The following AGL variants were observed in gnomAD, a reference collection of about 807,000 sequenced individuals.
AGL encodes amylo-alpha-1,6-glucosidase and 4-alpha-glucanotransferase.
A neutral mutation model predicts 199.3 loss-of-function variants in AGL; 128 were observed. The ratio of observed to expected loss-of-function variants is 0.64; its 90% confidence interval spans 0.56 to 0.74. The LOEUF is 0.74. AGL is among the 30% of genes least tolerant of loss of function. AGL has a pLI of 0.00. For missense variants in AGL, 1,809 were observed against 1,820.8 expected, an observed-to-expected ratio of 0.99 and a Z score of 0.12; for synonymous variants, 584 against 594.7, an observed-to-expected ratio of 0.98 and a Z score of 0.26.
At chr1:99,857,348 G>T (rs1571218725) in intron 2 of AGL, among the ~76,000 whole-genome samples, 1 of 151,932 alleles carries the variant, frequency 6.6e-6, no homozygotes, top group Non-Finnish European at 1.5e-5. Context: ...GGGCAGAGGG[G>T]CTCCTCACAT....
rs773095419 is a variant in AGL, at chr1:99,888,024, C to T, written c.2728C>T (p.Arg910Ter). Residue 910 changes from arginine to a stop codon, truncating the protein, a stop_gained, in exon 21 of 34, where the codon CGA becomes TGA. Coordinates refer to ENST00000361915, the MANE Select transcript of AGL (RefSeq NM_000642.3). LOFTEE classifies it high-confidence loss of function. Reference sequence around the variant, plus strand: ...GGCTGAGCTAAATCAGATCCTTTACCGATGTGAATCAGAAGAAAAGGAAGA... The same window carrying T: ...GGCTGAGCTAAATCAGATCCTTTACTGATGTGAATCAGAAGAAAAGGAAGA... ...TLAELNQILY[R>*]CESEEKEDGG... is the part of the protein sequence containing the mutation. 2.5e-6 allele frequency: 4 copies of T among 1,613,364 alleles called. No homozygotes were observed. The African/African-American group carries it at 4.0e-5, about 16-fold the overall frequency.
chr1:99,856,418 CCTTT>C (rs1649463463), intron 2 of AGL, among the ~76,000 whole-genome samples: 1 of 142,708 alleles, frequency 7.0e-6, no homozygotes, highest in African/African-American at 2.6e-5. Context: ...TTCCTTCTTC[CCTTT>C]CTTTTCTTTT....
At chr1:99,914,685 G>A (rs1383946362) in intron 30 of AGL, among the ~76,000 whole-genome samples, 1 of 152,158 alleles carries the variant, frequency 6.6e-6, no homozygotes, top group Admixed American at 6.5e-5. Context: ...TGGAGTAAAA[G>A]TTCTGTGTTT....
At chr1:99,896,191 C>A in intron 24 of AGL, 95 bp from the exon 25 acceptor site, 1 of 1,110,580 alleles carries the variant, frequency 9.0e-7, no homozygotes, top group Middle Eastern at 2.5e-4. Context: ...GCCTTGTACC[C>A]CAGGTTTAGA....
intron 5 of AGL, among the ~76,000 whole-genome samples, chr1:99,867,499 T>A (rs1203120141): frequency 1.3e-5 from 2 of 152,040 alleles, no homozygotes; most frequent in Non-Finnish European, 2.9e-5. Flanking sequence ...AGTCTATGAG[T>A]GTTTTTAATT....
At chr1:99,853,489 C>T (rs551017029) in intron 2 of AGL, among the ~76,000 whole-genome samples, 16 of 152,332 alleles carry the variant, frequency 1.1e-4, no homozygotes, top group African/African-American at 3.8e-4. Context: ...CTGTCTGCTT[C>T]CTTTGATTTC....
At position 99,875,228 on chromosome 1, in the gene AGL, A is replaced by C; in HGVS notation, c.1157A>C (p.His386Pro). Residue 386 changes from histidine to proline, a missense_variant, in exon 9 of 34, where the codon CAT becomes CCT. Coordinates refer to ENST00000361915, the MANE Select transcript of AGL (RefSeq NM_000642.3). ...ATGGAGGAATTAAATTCAGAGAAGC[A>C]TCGACTCATTAACTATCATCAGGAA... ...KRMEELNSEK[H>P]RLINYHQEQA... 1 of 1,614,150 alleles carries C rather than the reference A, an allele frequency of 6.2e-7. No individual in the cohort carries two copies. The highest frequency in any genetic ancestry group is 8.5e-7 in the Non-Finnish European group (1 of 1,179,968).
chr1:99,876,157 G>A (rs1343185564), intron 10 of AGL, among the ~76,000 whole-genome samples: 2 of 152,336 alleles, frequency 1.3e-5, no homozygotes, highest in East Asian at 3.9e-4. Context: ...TTACAGGCAT[G>A]AGCCACCATG....
intron 5 of AGL, among the ~76,000 whole-genome samples, chr1:99,865,131 G>A (rs1650398757): frequency 6.6e-6 from 1 of 151,952 alleles, no homozygotes; most frequent in Non-Finnish European, 1.5e-5. Context: ...TTAATAGCCT[G>A]CTCAGTTATC....
Position 99,881,124 on chromosome 1 carries a change from G to A in AGL, c.1948G>A (p.Ala650Thr). 1.2e-6 allele frequency: 2 copies of A among 1,613,900 alleles called. No individual in the cohort carries two copies. Among genetic ancestry groups the A allele is most frequent in the East Asian group, 4.5e-5 (2 of 44,858 alleles). The change falls in exon 15 of 34, where the codon GCA becomes ACA. Residue 650 changes from alanine to threonine, a missense_variant. Ala to Thr is a moderately conservative substitution (Grantham distance 58). Coordinates refer to ENST00000361915, the MANE Select transcript of AGL (RefSeq NM_000642.3). ...ALPSTTIVSM[A>T]CCASGSTRGY... Reference sequence around the variant, plus strand: ...TCCAAGTACTACAATTGTTTCTATGGCATGTTGTGCTAGTGGAAGTACAAG... The same window carrying A: ...TCCAAGTACTACAATTGTTTCTATGACATGTTGTGCTAGTGGAAGTACAAG...
chr1:99,861,586 A>T lies in AGL; in HGVS notation c.166A>T (p.Thr56Ser). The T allele has an allele frequency of 6.2e-7, 1 of 1,614,026 alleles. No homozygotes were observed. Among genetic ancestry groups the T allele is most frequent in the Non-Finnish European group, 8.5e-7 (1 of 1,179,942 alleles). The change falls in exon 3 of 34, where the codon ACA (threonine) becomes TCA (serine). Residue 56 changes from threonine (T) to serine (S), a missense_variant. Coordinates refer to ENST00000361915, the MANE Select transcript of AGL (RefSeq NM_000642.3). ...TACAAATTACCCATTTCCTGGAGAA[A>T]CATTTAATAGAGAAAAATTCCGTTC... ...VYTNYPFPGE[T>S]FNREKFRSLD...
intron 17 of AGL, among the ~76,000 whole-genome samples, chr1:99,882,763 T>A (rs1652151089): frequency 6.6e-6 from 1 of 152,228 alleles, no homozygotes; most frequent in Non-Finnish European, 1.5e-5. Context: ...ATGCTCCTGT[T>A]CATGCAGCAG....
Position 99,923,587 on chromosome 1 carries a change from A to G in AGL, c.*1936A>G, listed in dbSNP as rs182249213. 1 of 152,320 alleles carries G rather than the reference A, an allele frequency of 6.6e-6. No homozygotes were observed. The highest frequency in any genetic ancestry group is 1.9e-4 in the East Asian group (1 of 5,194). 9.4% of individuals were successfully genotyped at this position (152,320 alleles called of 1,614,324 possible). On this transcript the variant is annotated 3_prime_UTR_variant, in exon 34 of 34. Coordinates refer to ENST00000361915, the MANE Select transcript of AGL (RefSeq NM_000642.3). The stretch of plus-strand genomic sequence containing the variant: ...TCTAATGAGGAAGATTAATGAAAGA[A>G]CATTGTTATATTCTGCGTGGTATAT...
chr1:99,921,832 A>G lies in AGL; in HGVS notation c.*181A>G, dbSNP rs143709017. On this transcript the variant is annotated 3_prime_UTR_variant, in exon 34 of 34. Coordinates refer to ENST00000361915, the MANE Select transcript of AGL (RefSeq NM_000642.3). Reference sequence around the variant, plus strand: ...TTTTAATGTACAGAGGTAGATTTCAATTTGAATCAGAAAGAAATATCATTA... The same window carrying G: ...TTTTAATGTACAGAGGTAGATTTCAGTTTGAATCAGAAAGAAATATCATTA... 9 of 420,660 alleles carry G rather than the reference A, an allele frequency of 2.1e-5. No homozygotes were observed. Among genetic ancestry groups the G allele is most frequent in the Non-Finnish European group, 2.5e-5 (6 of 237,674 alleles). The allele number at this position is 420,660 out of a possible 1,614,324, so 26.1% of individuals were successfully genotyped here.
rs1419194674 is a variant in AGL at position 99,856,590 on chromosome 1, G to A, written c.83-4913G>A. ...GGTTTTCCTAGGCAAAGGACCCTGC[G>A]GCCTTCCACAGTGTTTGTGTCCCTG... On this transcript the variant is annotated intron_variant, in intron 2 of 33. Transcript: ENST00000361915. Among the ~76,000 whole-genome samples the A allele has an allele frequency of 1.4e-4, 21 of 151,942 alleles. 1 individual carries two copies. Among genetic ancestry groups the A allele is most frequent in the East Asian group, 1.9e-4 (1 of 5,180 alleles).
intron 21 of AGL, among the ~76,000 whole-genome samples, chr1:99,889,716 T>C (rs1040454747): frequency 6.6e-5 from 10 of 152,354 alleles, no homozygotes; most frequent in African/African-American, 2.2e-4. Context: ...AACTTGTGTG[T>C]GCTCTTTTTC....
Position 99,864,486 on chromosome 1 carries a change from ACC to A in AGL, c.562_563del (p.Pro188Ter). 1.9e-6 allele frequency: 3 copies of A among 1,613,866 alleles called. No homozygotes were observed. Among genetic ancestry groups the A allele is most frequent in the Non-Finnish European group, 2.5e-6 (3 of 1,179,832 alleles). ...QLELNPDFSR[P>X]NRKYTWNDVG... ...TAGAATTAAATCCTGACTTTTCAAG[ACC>A]TAATAGAAAGTATACCTGGAATGAT... is the stretch of plus-strand genomic sequence containing the variant. On this transcript the variant is annotated frameshift_variant, in exon 5 of 34. Coordinates refer to ENST00000361915, the MANE Select transcript of AGL (RefSeq NM_000642.3). LOFTEE classifies it high-confidence loss of function.
In AGL at chr1:99,902,764, C is replaced by G. The variant is rs1417784168; in HGVS notation, c.3670C>G (p.Pro1224Ala). 1 of 1,613,154 alleles carries G rather than the reference C, an allele frequency of 6.2e-7. No individual in the cohort carries two copies. Among genetic ancestry groups the G allele is most frequent in the Non-Finnish European group, 8.5e-7 (1 of 1,179,388 alleles). Residue 1224 changes from proline to alanine, a missense_variant, in exon 27 of 34, where the codon CCC becomes GCC. Physicochemically the swap from Pro to Ala is conservative, Grantham distance 27. Transcript: ENST00000361915. ...GIQFRERNAGPQIDRNMKDEG... is the reference protein window; with the variant it reads ...GIQFRERNAGAQIDRNMKDEG... Reference sequence around the variant, plus strand: ...ACAGTTCCGAGAAAGGAATGCTGGTCCCCAGATAGATCGAAACATGAAGGA... The same window carrying G: ...ACAGTTCCGAGAAAGGAATGCTGGTGCCCAGATAGATCGAAACATGAAGGA...
chr1:99,904,411 T>C (rs901951889), intron 27 of AGL, among the ~76,000 whole-genome samples: 3 of 152,216 alleles, frequency 2.0e-5, no homozygotes, highest in African/African-American at 7.2e-5. Context: ...CTTCACCCAG[T>C]ACAGCATCAG....
Sources: allele counts gnomAD v4.1 joint callset (sites outside exome capture counted in the v4.1 genomes callset), GRCh38; gene constraint gnomAD v4.1.1; transcripts MANE v1.5; gene names NCBI Gene and HGNC (gene_info 2026-07-23, HGNC 2026-07-21).